The following MRTFA variants were observed in gnomAD, a reference collection of about 807,000 sequenced individuals.
The protein encoded by MRTFA is myocardin-related transcription factor A.
In MRTFA, 20 loss-of-function variants were observed where a neutral mutation model predicts 83.5. That is an observed-to-expected ratio of 0.24 (90% CI 0.17 to 0.35). The LOEUF (loss-of-function observed/expected upper bound fraction) is 0.35. Ranked by LOEUF, MRTFA falls within the 10% of genes least tolerant of loss-of-function variation. The pLI, the probability that MRTFA is intolerant of heterozygous loss-of-function variation, is 1.00. For synonymous variants in MRTFA, 659 were observed against 541.2 expected (o/e 1.22, Z -3.02); for missense variants, 1,200 against 1,224.7 (o/e 0.98, Z 0.30).
At chr22:40,419,534 C>T (rs2052780308) in intron 11 of MRTFA, 150 bp from the exon 12 acceptor site, 1 of 677,770 alleles carries the variant, frequency 1.5e-6, no homozygotes, top group South Asian at 1.7e-5. Context: ...ATGCCCCCCA[C>T]CACCTGAGCC....
intron 2 of MRTFA, among the ~76,000 whole-genome samples, chr22:40,568,326 T>C (rs1040022379): frequency 6.6e-6 from 1 of 152,250 alleles, no homozygotes; most frequent in African/African-American, 2.4e-5. Flanking sequence ...CAATGGCTCT[T>C]CAAGTTACCT....
intron 4 of MRTFA, among the ~76,000 whole-genome samples, chr22:40,446,018 G>T (rs972850251): frequency 3.9e-5 from 6 of 152,120 alleles, no homozygotes; most frequent in Non-Finnish European, 8.8e-5. Flanking sequence ...TTAGATTTAG[G>T]TTAAACATTT....
intron 3 of MRTFA, among the ~76,000 whole-genome samples, chr22:40,500,068 T>C (rs2054432537): frequency 6.6e-6 from 1 of 151,830 alleles, no homozygotes; most frequent in South Asian, 2.1e-4. Context: ...TAGCTGAGAT[T>C]ACAGGCGCTC....
chr22:40,517,355 C>G lies in MRTFA; in HGVS notation c.241+34751G>C, dbSNP rs117926320. On this transcript the variant is annotated intron_variant, in intron 3 of 14. Transcript: ENST00000355630. Reference sequence around the variant, plus strand: ...ACTAAAAAGTCAGGTAGGCTAAGTACTGGGAGAATGGAGCAAAGGAACCTC... The same window carrying G: ...ACTAAAAAGTCAGGTAGGCTAAGTAGTGGGAGAATGGAGCAAAGGAACCTC... Among the ~76,000 whole-genome samples, 808 of 152,196 alleles carry G rather than the reference C, an allele frequency of 5.3e-3. 1 individual carries two copies. Among genetic ancestry groups the G allele is most frequent in the Non-Finnish European group, 8.9e-3 (604 of 68,020 alleles).
At chr22:40,463,758 T>G (rs1424230599) in intron 3 of MRTFA, among the ~76,000 whole-genome samples, 1 of 152,218 alleles carries the variant, frequency 6.6e-6, no homozygotes, top group Non-Finnish European at 1.5e-5. Flanking sequence ...CTTTTTCTTT[T>G]GTATCTAAAA....
chr22:40,523,141 T>G (rs1013002095), intron 3 of MRTFA, among the ~76,000 whole-genome samples: 1 of 150,924 alleles, frequency 6.6e-6, no homozygotes, highest in Non-Finnish European at 1.5e-5. Context: ...AAAAAAAAAG[T>G]TGTCAAATTG....
chr22:40,545,069 A>G (rs1017692145), intron 3 of MRTFA, among the ~76,000 whole-genome samples: 2 of 151,992 alleles, frequency 1.3e-5, no homozygotes, highest in Admixed American at 6.6e-5. Context: ...ATAATTAGTA[A>G]AAGAAATCAC....
chr22:40,608,112 C>G (rs1253579226), intron 1 of MRTFA, among the ~76,000 whole-genome samples: 4 of 152,180 alleles, frequency 2.6e-5, no homozygotes, highest in Non-Finnish European at 5.9e-5. Context: ...GCAACCTCCG[C>G]CTCCTGGGTT....
chr22:40,422,621 G>A (rs937500544), intron 9 of MRTFA, among the ~76,000 whole-genome samples: 4 of 152,256 alleles, frequency 2.6e-5, no homozygotes, highest in African/African-American at 4.8e-5. Flanking sequence ...GTGACTTTCT[G>A]ACATGGAGGA....
At position 40,419,073 on chromosome 22, in the gene MRTFA, GGGA is replaced by G; in HGVS notation, c.1662_1664del (p.Pro555del). On this transcript the variant is annotated inframe_deletion, in exon 12 of 15. Transcript: ENST00000355630. ...TGAGCAGTGAGCGCTCCGAGGGGGT[GGGA>G]GACACGGGGGGCGTGGAGCCCGTGC... 6.2e-7 allele frequency: 1 copy of G among 1,607,174 alleles called. No individual in the cohort carries two copies. Among genetic ancestry groups the G allele is most frequent in the South Asian group, 1.1e-5 (1 of 90,336 alleles).
At position 40,411,802 on chromosome 22, in the gene MRTFA, G is replaced by A. The variant is rs748457347; in HGVS notation, c.2684C>T (p.Ala895Val). The A allele has an allele frequency of 3.3e-5, 51 of 1,525,492 alleles. No individual in the cohort carries two copies. Among genetic ancestry groups the A allele is most frequent in the Non-Finnish European group, 4.2e-5 (48 of 1,132,418 alleles). 94.5% of individuals were successfully genotyped at this position (1,525,492 alleles called of 1,614,324 possible). Residue 895 changes from alanine (A) to valine (V), a missense_variant, in exon 15 of 15, where the codon GCT becomes GTT. Around this residue, in one of 2 missense-constraint regions of MRTFA, gnomAD observed 1,107 missense variants for 1,041.8 expected, o/e 1.06. Coordinates refer to ENST00000355630, the MANE Select transcript of MRTFA (RefSeq NM_020831.6). ...AGGTGGGGCAGCCTGGGGGAGCTCA[G>A]CAGAAGGTGATGGCTGTGCTGCCAG...
chr22:40,572,039 T>C (rs1484573745), intron 2 of MRTFA, among the ~76,000 whole-genome samples: 1 of 151,378 alleles, frequency 6.6e-6, no homozygotes, highest in African/African-American at 2.4e-5. Flanking sequence ...ACATAGCACT[T>C]CACACCCAGT....
At chr22:40,510,115 T>TA (rs1337720627) in intron 3 of MRTFA, among the ~76,000 whole-genome samples, 2 of 151,846 alleles carry the variant, frequency 1.3e-5, no homozygotes, top group Non-Finnish European at 2.9e-5. Context: ...AATTGACAGA[T>TA]ATGTCTCCAG....
intron 6 of MRTFA, among the ~76,000 whole-genome samples, chr22:40,430,225 C>T (rs2053039938): frequency 6.6e-6 from 1 of 152,116 alleles, no homozygotes; most frequent in Non-Finnish European, 1.5e-5. Context: ...TGGTGGCTCA[C>T]GCTTGTAATC....
chr22:40,590,146 C>G (rs763264338), intron 2 of MRTFA, among the ~76,000 whole-genome samples: 2 of 151,958 alleles, frequency 1.3e-5, no homozygotes, highest in Non-Finnish European at 2.9e-5. Context: ...CACTGTTAGC[C>G]AGGTTAGTTT....
chr22:40,488,169 C>A (rs1461652500), intron 3 of MRTFA, among the ~76,000 whole-genome samples: 1 of 152,144 alleles, frequency 6.6e-6, no homozygotes, highest in Admixed American at 6.5e-5. Flanking sequence ...CTTCACAGGG[C>A]AACAGCATAT....
At chr22:40,535,917 G>C (rs1248518755) in intron 3 of MRTFA, among the ~76,000 whole-genome samples, 2 of 152,060 alleles carry the variant, frequency 1.3e-5, no homozygotes, top group African/African-American at 4.8e-5. Flanking sequence ...TAACATCTCA[G>C]TTGATTTGAC....
intron 3 of MRTFA, among the ~76,000 whole-genome samples, chr22:40,477,938 G>C (rs963563013): frequency 3.9e-5 from 6 of 152,090 alleles, no homozygotes; most frequent in African/African-American, 1.5e-4. Flanking sequence ...TAAAGAGCAA[G>C]CTTCAGAGAG....
chr22:40,632,094 A>G (rs2056647588), intron 1 of MRTFA, among the ~76,000 whole-genome samples: 1 of 152,202 alleles, frequency 6.6e-6, no homozygotes, highest in Admixed American at 6.6e-5. Flanking sequence ...GGTCTTTTGT[A>G]TTACATGCTC....
Sources: gnomAD v4.1 joint callset for allele counts (sites outside exome capture counted in the v4.1 genomes callset) on GRCh38, gnomAD v4.1.1 for gene constraint, gnomAD v4.1.1 regional missense constraint, MANE v1.5 for transcripts, NCBI Gene and HGNC (gene_info 2026-07-23, HGNC 2026-07-21) for gene names.